Variants in TENM2 observed in about 807,000 individuals in gnomAD.
TENM2 encodes teneurin transmembrane protein 2, also known as teneurin-2.
In TENM2, 52 loss-of-function variants were observed where a neutral mutation model predicts 245.2. That is an observed-to-expected ratio of 0.21 (90% CI 0.17 to 0.27). The LOEUF is 0.27. TENM2 is among the 10% of genes least tolerant of loss of function. The pLI is 1.00. For synonymous variants in TENM2, 1,363 were observed against 1,438.9 expected (o/e 0.95, Z 1.19); for missense variants, 3,046 against 3,666.8 (o/e 0.83, Z 4.37).
At chr5:167,737,793 A>G (rs1760903415) in intron 2 of TENM2, among the ~76,000 whole-genome samples, 1 of 152,240 alleles carries the variant, frequency 6.6e-6, no homozygotes, top group Admixed American at 6.5e-5. Flanking sequence ...TTTCTGCCCT[A>G]TCAGGGTTCT....
chr5:167,640,254 G>A (rs1003468467), intron 2 of TENM2, among the ~76,000 whole-genome samples: 42 of 152,298 alleles, frequency 2.8e-4, no homozygotes, highest in African/African-American at 1.0e-3. Context: ...AATATGGATA[G>A]TAGTCATATA....
intron 2 of TENM2, among the ~76,000 whole-genome samples, chr5:167,743,377 C>T (rs1456509548): frequency 6.6e-6 from 1 of 152,148 alleles, no homozygotes; most frequent in African/African-American, 2.4e-5. Flanking sequence ...GGCAAGACAT[C>T]ATTAGAAAGA....
At chr5:168,081,887 G>A (rs1472071192) in intron 7 of TENM2, among the ~76,000 whole-genome samples, 1 of 152,094 alleles carries the variant, frequency 6.6e-6, no homozygotes, top group Non-Finnish European at 1.5e-5. Flanking sequence ...TTCAACTTTG[G>A]TGAATCTGAC....
chr5:167,234,337 C>A, the TENM2 span, among the ~76,000 whole-genome samples: 1 of 152,134 alleles, frequency 6.6e-6, no homozygotes, highest in Non-Finnish European at 1.5e-5. Context: ...ACTGCCAGAG[C>A]TGAAGAACTT....
At chr5:168,148,763 C>T (rs1020259474) in intron 12 of TENM2, among the ~76,000 whole-genome samples, 1 of 152,076 alleles carries the variant, frequency 6.6e-6, no homozygotes, top group African/African-American at 2.4e-5. Context: ...ATACGGGCTC[C>T]TCTATGAGGT....
chr5:168,210,972 A>G (rs1762762899), intron 19 of TENM2, among the ~76,000 whole-genome samples: 1 of 152,238 alleles, frequency 6.6e-6, no homozygotes, highest in Non-Finnish European at 1.5e-5. Context: ...TAGTTCTCTG[A>G]TAAGAAATGA....
Position 167,398,642 on chromosome 5 carries a change from G to C in TENM2, c.502+23169G>C, listed in dbSNP as rs189373012. Among the ~76,000 whole-genome samples the C allele has an allele frequency of 8.5e-5, 13 of 152,150 alleles. No individual in the cohort carries two copies. In the East Asian group the frequency reaches 2.5e-3, roughly 30 times the overall value. ...TTTAGTAGAGATAGGGTTTCACCCT[G>C]TTGGCCAGGCTGGTCTCGAACTCCT... is the stretch of plus-strand genomic sequence containing the variant. On this transcript the variant is annotated intron_variant, in intron 2 of 28. Coordinates refer to ENST00000518659, the Ensembl canonical transcript of TENM2.
chr5:167,920,534 C>T (rs976291604), intron 3 of TENM2, among the ~76,000 whole-genome samples: 9 of 150,788 alleles, frequency 6.0e-5, no homozygotes, highest in African/African-American at 2.2e-4. Flanking sequence ...CACACACACA[C>T]ACACACACAC....
intron 3 of TENM2, among the ~76,000 whole-genome samples, chr5:167,919,544 A>G (rs1777193593): frequency 1.3e-5 from 2 of 152,258 alleles, no homozygotes; most frequent in African/African-American, 2.4e-5. Context: ...TATTCTAAGT[A>G]AAGGAGAAGA....
the TENM2 span, among the ~76,000 whole-genome samples, chr5:167,138,718 G>T: frequency 3.3e-5 from 5 of 152,182 alleles, no homozygotes; most frequent in African/African-American, 9.7e-5. Context: ...CGCCTCCTGG[G>T]TTCAAGCGAT....
chr5:167,847,052 G>A (rs1228623944), intron 2 of TENM2, among the ~76,000 whole-genome samples: 1 of 152,156 alleles, frequency 6.6e-6, no homozygotes, highest in Non-Finnish European at 1.5e-5. Flanking sequence ...AACCTCCTGG[G>A]CTCAAGCCAT....
chr5:167,472,337 G>A (rs1208558348), intron 2 of TENM2, among the ~76,000 whole-genome samples: 3 of 152,180 alleles, frequency 2.0e-5, no homozygotes, highest in Non-Finnish European at 2.9e-5. Flanking sequence ...AGTGTTTTAA[G>A]TGTAAAGTAA....
In TENM2 at chr5:168,247,337, G is replaced by C. The variant is rs775272632; in HGVS notation, c.6398G>C (p.Gly2133Ala). Residue 2133 changes from glycine (G) to alanine (A), a missense_variant, in exon 27 of 29, where the codon GGA (glycine) becomes GCA (alanine). Coordinates refer to ENST00000518659, the Ensembl canonical transcript of TENM2. The surrounding 1 kb of genome is among the most constrained non-coding windows in gnomAD (Gnocchi z 7.8). ...AAGGTGGAACACTTTGGTAAGTTTGGAGTCATCTATTATGACATCAACCAG... is the reference window on the plus strand; with the variant it reads ...AAGGTGGAACACTTTGGTAAGTTTGCAGTCATCTATTATGACATCAACCAG... The C allele has an allele frequency of 1.1e-4, 174 of 1,613,782 alleles. No individual in the cohort carries two copies. The highest frequency in any genetic ancestry group is 1.3e-4 in the Non-Finnish European group (159 of 1,179,892).
At position 167,776,593 on chromosome 5, in the gene TENM2, G is replaced by GGAAAAAAAAAAAAAAAAAAAAAAAAAAA; in HGVS notation, c.503-99393_503-99392insGAAAAAAAAAAAAAAAAAAAAAAAAAAA. 5.6e-5 allele frequency among the ~76,000 whole-genome samples: 2 copies of GGAAAAAAAAAAAAAAAAAAAAAAAAAAA among 36,020 alleles called. 1 individual carries two copies. The highest frequency in any genetic ancestry group is 8.3e-4 in the Admixed American group (2 of 2,422). The allele number at this position is 36,020 out of a possible 152,430, so 23.6% of individuals were successfully genotyped here. On this transcript the variant is annotated intron_variant, in intron 2 of 28. Coordinates refer to ENST00000518659, the Ensembl canonical transcript of TENM2. ...TTGGGCAGCAGATGAGACCCTGTCT[G>GGAAAAAAAAAAAAAAAAAAAAAAAAAAA]AAAAAAAAAAAAAAAAAAAAAAAAA...
intron 2 of TENM2, among the ~76,000 whole-genome samples, chr5:167,838,817 G>A (rs767239952): frequency 3.9e-5 from 6 of 152,160 alleles, no homozygotes; most frequent in African/African-American, 1.2e-4. Context: ...GGTTTCAACC[G>A]TGAACTTGGG....
intron 2 of TENM2, among the ~76,000 whole-genome samples, chr5:167,608,337 C>G (rs951166012): frequency 1.3e-5 from 2 of 152,140 alleles, no homozygotes; most frequent in African/African-American, 2.4e-5. Context: ...GAGTGTCTCC[C>G]AAACTTTGAG....
chr5:168,216,953 G>A (rs1444924205), intron 22 of TENM2, 31 bp downstream of exon 24: 7 of 1,611,078 alleles, frequency 4.3e-6, no homozygotes, highest in Non-Finnish European at 5.9e-6. Context: ...TCTTCACTAA[G>A]CAACACCTGC....
the TENM2 span, among the ~76,000 whole-genome samples, chr5:167,155,154 G>C: frequency 1.3e-5 from 2 of 152,224 alleles, no homozygotes; most frequent in Admixed American, 1.3e-4. Context: ...TGATTTTGCT[G>C]TGTCATAAGG....
chr5:167,488,035 A>G (rs759252413), intron 2 of TENM2, among the ~76,000 whole-genome samples: 24 of 152,150 alleles, frequency 1.6e-4, no homozygotes, highest in Non-Finnish European at 3.1e-4. Flanking sequence ...GAACAGGTAG[A>G]TAGAATTGCA....
Sources: allele counts gnomAD v4.1 joint callset (sites outside exome capture counted in the v4.1 genomes callset), GRCh38; gene constraint gnomAD v4.1.1; non-coding constraint Gnocchi (gnomAD v3.1); transcripts MANE v1.5; gene names NCBI Gene and HGNC (gene_info 2026-07-23, HGNC 2026-07-21).